Variants in DENND2A observed in about 807,000 individuals in gnomAD.
DENND2A encodes DENN domain-containing protein 2A.
Under a neutral mutation model 105.3 loss-of-function variants are expected in DENND2A, and 53 were observed. The ratio of observed to expected loss-of-function variants is 0.50; its 90% confidence interval spans 0.40 to 0.63. The LOEUF (loss-of-function observed/expected upper bound fraction) is 0.63, where lower values mean the gene tolerates loss of function less well. Ranked by LOEUF, DENND2A falls within the 30% of genes least tolerant of loss-of-function variation. The pLI is 0.00. For missense variants in DENND2A, 1,138 were observed against 1,279.6 expected (o/e 0.89, Z 1.69); for synonymous variants, 522 against 508.4 (o/e 1.03, Z -0.36).
intron 1 of DENND2A, among the ~76,000 whole-genome samples, chr7:140,621,194 A>G (rs1800277288): frequency 6.6e-6 from 1 of 151,906 alleles, no homozygotes; most frequent in Non-Finnish European, 1.5e-5. Context: ...AGGCTCAGCT[A>G]ATTAAAAAAT....
intron 9 of DENND2A, among the ~76,000 whole-genome samples, chr7:140,566,811 G>A (rs1466175491): frequency 6.6e-6 from 1 of 150,800 alleles, no homozygotes; most frequent in African/African-American, 2.4e-5. Flanking sequence ...CTCAGCCTGA[G>A]TAGCTGGGAC....
intron 14 of DENND2A, among the ~76,000 whole-genome samples, chr7:140,540,052 C>T (rs1025313834): frequency 1.3e-5 from 2 of 152,352 alleles, no homozygotes; most frequent in Admixed American, 1.3e-4. Context: ...CAGGGGTCCC[C>T]CCTACTCTGG....
chr7:140,574,276 T>A (rs1463656307), intron 5 of DENND2A, among the ~76,000 whole-genome samples: 1 of 152,064 alleles, frequency 6.6e-6, no homozygotes, highest in Non-Finnish European at 1.5e-5. Flanking sequence ...TGGAGTGGAA[T>A]GGCGCGATCT....
At position 140,634,349 on chromosome 7, in the gene DENND2A, T is replaced by C. The variant is rs372091959; in HGVS notation, c.-248+6155A>G. On this transcript the variant is annotated intron_variant, in intron 1 of 19. Coordinates refer to ENST00000496613, the MANE Select transcript of DENND2A (RefSeq NM_015689.5). Reference sequence around the variant, plus strand: ...TAATGAATCTATTTGTGCCAAGTGATGGTTATTTTGAAAATGAGATTCTAA... The same window carrying C: ...TAATGAATCTATTTGTGCCAAGTGACGGTTATTTTGAAAATGAGATTCTAA... Among the ~76,000 whole-genome samples the C allele has an allele frequency of 4.2e-4, 64 of 152,262 alleles. 1 individual carries two copies. The highest frequency in any genetic ancestry group is 1.5e-3 in the African/African-American group (61 of 41,548).
At chr7:140,584,790 G>GTATATT in intron 5 of DENND2A, among the ~76,000 whole-genome samples, 1 of 152,020 alleles carries the variant, frequency 6.6e-6, no homozygotes, top group Non-Finnish European at 1.5e-5. Context: ...ACACATACAT[G>GTATATT]TGTAAGTTTA....
intron 18 of DENND2A, among the ~76,000 whole-genome samples, chr7:140,520,368 C>T (rs1171484085): frequency 6.6e-6 from 1 of 151,886 alleles, no homozygotes; most frequent in Admixed American, 6.6e-5. Flanking sequence ...TGTGCTCTCC[C>T]ATTTCCCTGC....
At chr7:140,629,546 G>A (rs1331146953) in intron 1 of DENND2A, among the ~76,000 whole-genome samples, 1 of 152,228 alleles carries the variant, frequency 6.6e-6, no homozygotes, top group Non-Finnish European at 1.5e-5. Context: ...GTTCTGAAAT[G>A]AGAAAGAGGA....
chr7:140,549,063 C>T (rs1244656198), intron 12 of DENND2A, among the ~76,000 whole-genome samples: 2 of 150,328 alleles, frequency 1.3e-5, no homozygotes, highest in Admixed American at 6.6e-5. Flanking sequence ...ACTAAAACTA[C>T]AAAATTAGCC....
intron 1 of DENND2A, among the ~76,000 whole-genome samples, chr7:140,616,067 T>G (rs1054917391): frequency 6.6e-6 from 1 of 152,076 alleles, no homozygotes; most frequent in Non-Finnish European, 1.5e-5. Flanking sequence ...TCAAGAAATT[T>G]CAGAATAGGC....
At chr7:140,525,634 A>G (rs1299477382) in intron 16 of DENND2A, 117 bp downstream of exon 16, 3 of 926,624 alleles carry the variant, frequency 3.2e-6, no homozygotes, top group Non-Finnish European at 4.5e-6. Context: ...GGGGTCACAC[A>G]GCTCTGCCAC....
At chr7:140,532,173 G>A in intron 14 of DENND2A, among the ~76,000 whole-genome samples, 1 of 152,194 alleles carries the variant, frequency 6.6e-6, no homozygotes, top group Non-Finnish European at 1.5e-5. Flanking sequence ...GGAGGCTGAG[G>A]CAGGAGAATC....
chr7:140,537,940 A>C (rs1358463276), intron 14 of DENND2A, among the ~76,000 whole-genome samples: 2 of 152,212 alleles, frequency 1.3e-5, no homozygotes, highest in Non-Finnish European at 2.9e-5. Flanking sequence ...CATCAGGAAA[A>C]TGAAGGCGAG....
Position 140,525,755 on chromosome 7 carries a change from C to T in DENND2A, c.2543G>A (p.Arg848Lys). 6.2e-7 allele frequency: 1 copy of T among 1,607,072 alleles called. No homozygotes were observed. Among genetic ancestry groups the T allele is most frequent in the Non-Finnish European group, 8.5e-7 (1 of 1,176,652 alleles). ...GCCGTCGCTGGCCTCACTCACCTGT[C>T]TGAGGAACCGGCTGTTGACGAGGTC... The part of the protein sequence containing the change: ...VVDLVNSRFL[R>K]QMDDEDSILP... The change falls in exon 16 of 20, where the codon AGA (arginine) becomes AAA (lysine). Residue 848 changes from arginine to lysine, a missense_variant. Transcript: ENST00000496613.
intron 2 of DENND2A, among the ~76,000 whole-genome samples, chr7:140,605,044 G>C (rs1051614898): frequency 3.3e-5 from 5 of 152,204 alleles, no homozygotes. Context: ...CGGAAAACTT[G>C]AGAGGAACAA....
At chr7:140,619,044 C>T (rs538457221) in intron 1 of DENND2A, among the ~76,000 whole-genome samples, 18 of 152,202 alleles carry the variant, frequency 1.2e-4, no homozygotes, top group East Asian at 1.2e-3. Context: ...GTGATCTGCC[C>T]GCCTCGGCCT....
chr7:140,628,703 C>A (rs1800626982), intron 1 of DENND2A, among the ~76,000 whole-genome samples: 1 of 151,826 alleles, frequency 6.6e-6, no homozygotes, highest in Non-Finnish European at 1.5e-5. Context: ...CCACGCCCGG[C>A]CAATTTTTTT....
intron 10 of DENND2A, among the ~76,000 whole-genome samples, chr7:140,558,963 T>C (rs1361771754): frequency 6.6e-6 from 1 of 151,926 alleles, no homozygotes; most frequent in African/African-American, 2.4e-5. Context: ...CTCCCATCAT[T>C]CAATCACCTG....
chr7:140,584,739 AT>A (rs954417729), intron 5 of DENND2A, among the ~76,000 whole-genome samples: 1 of 151,446 alleles, frequency 6.6e-6, no homozygotes, highest in East Asian at 1.9e-4. Context: ...CCGCACAGAG[AT>A]TTTTTTTTCA....
intron 2 of DENND2A, among the ~76,000 whole-genome samples, chr7:140,605,424 T>C (rs1488345846): frequency 3.9e-5 from 6 of 152,104 alleles, no homozygotes; most frequent in Non-Finnish European, 8.8e-5. Context: ...ATCCTAGTAG[T>C]TAGAAAAATA....
Sources: allele counts gnomAD v4.1 joint callset (sites outside exome capture counted in the v4.1 genomes callset), GRCh38; gene constraint gnomAD v4.1.1; transcripts MANE v1.5; gene names NCBI Gene and HGNC (gene_info 2026-07-23, HGNC 2026-07-21).